Variants in PDE1A observed in about 807,000 individuals in gnomAD.
PDE1A encodes phosphodiesterase 1A.
PDE1A carries 35 observed loss-of-function variants against 61.7 expected under a neutral mutation model. The observed-to-expected ratio is 0.57, with a 90% confidence interval of 0.43 to 0.75. The LOEUF (loss-of-function observed/expected upper bound fraction) is 0.75. Ranked by LOEUF, PDE1A falls within the 30% of genes least tolerant of loss-of-function variation. PDE1A has a pLI of 0.00. For missense variants in PDE1A, 597 were observed against 630.6 expected (o/e 0.95, Z 0.57); for synonymous variants, 232 against 213.2 (o/e 1.09, Z -0.77).
intron 1 of PDE1A, among the ~76,000 whole-genome samples, chr2:182,264,866 G>GGT (rs1461394744): frequency 2.7e-5 from 1 of 37,608 alleles, no homozygotes; most frequent in African/African-American, 1.8e-4. Context: ...AAGAAAATGT[G>GGT]GTATATATAT....
At chr2:182,458,363 A>T (rs952774178) in intron 2 of PDE1A, among the ~76,000 whole-genome samples, 2 of 152,218 alleles carry the variant, frequency 1.3e-5, no homozygotes, top group African/African-American at 4.8e-5. Context: ...AGGCACTGCC[A>T]TGTGCTTTTG....
chr2:182,438,785 G>A lies in PDE1A; in HGVS notation c.101+83491C>T, dbSNP rs1244236420. Among the ~76,000 whole-genome samples the A allele has an allele frequency of 2.0e-5, 3 of 152,000 alleles. No individual in the cohort carries two copies. In the South Asian group the frequency reaches 6.2e-4, roughly 31 times the overall value. On this transcript the variant is annotated intron_variant, in intron 2 of 14. Transcript: ENST00000410103. ...TATATATGCCATACTGAAGAGCTGAGACTATATCCAATAGGCAATGGGGAG... is the reference window on the plus strand; with the variant it reads ...TATATATGCCATACTGAAGAGCTGAAACTATATCCAATAGGCAATGGGGAG...
chr2:182,503,284 G>C (rs1574815656), intron 2 of PDE1A, among the ~76,000 whole-genome samples: 1 of 151,996 alleles, frequency 6.6e-6, no homozygotes, highest in Non-Finnish European at 1.5e-5. Flanking sequence ...TTTTAATTTT[G>C]TCCTTCCTTG....
At chr2:182,261,660 A>G (rs993299991) in intron 2 of PDE1A, among the ~76,000 whole-genome samples, 3 of 152,204 alleles carry the variant, frequency 2.0e-5, no homozygotes, top group Non-Finnish European at 4.4e-5. Flanking sequence ...AAAGGGCTAT[A>G]CTTTAGGTAT....
At chr2:182,148,714 T>G (rs1250213043) in intron 13 of PDE1A, among the ~76,000 whole-genome samples, 1 of 152,178 alleles carries the variant, frequency 6.6e-6, no homozygotes, top group African/African-American at 2.4e-5. Flanking sequence ...CACAGCCGTC[T>G]CTCCTTTGGC....
At chr2:182,439,752 A>C (rs1684671071) in intron 2 of PDE1A, among the ~76,000 whole-genome samples, 1 of 152,108 alleles carries the variant, frequency 6.6e-6, no homozygotes, top group African/African-American at 2.4e-5. Flanking sequence ...ACACAAAACA[A>C]GCACTTCAGT....
At chr2:182,522,783 C>CT (rs1314720073), upstream of PDE1A, 2 of 485,166 alleles carry the variant, frequency 4.1e-6, no homozygotes, top group African/African-American at 4.2e-5. Flanking sequence ...ACGTGAATGA[C>CT]TTTCGCGCTC....
downstream of PDE1A, chr2:182,146,904 G>A (rs945378065): frequency 7.3e-6 from 3 of 410,660 alleles, no homozygotes; most frequent in South Asian, 1.7e-4. Context: ...TTAAGATTTT[G>A]TCTCAAAGGA....
chr2:182,281,640 A>T (rs1283022262), intron 1 of PDE1A, among the ~76,000 whole-genome samples: 2 of 152,036 alleles, frequency 1.3e-5, no homozygotes, highest in African/African-American at 4.8e-5. Flanking sequence ...TACAGCCAGA[A>T]GAGAACTGAA....
intron 13 of PDE1A, among the ~76,000 whole-genome samples, chr2:182,182,468 T>C (rs1364808102): frequency 6.6e-6 from 1 of 152,200 alleles, no homozygotes; most frequent in Non-Finnish European, 1.5e-5. Context: ...TCCTGGGTTA[T>C]GAACAACAGC....
chr2:182,197,237 C>A (rs1049517395), intron 10 of PDE1A, among the ~76,000 whole-genome samples: 2 of 151,504 alleles, frequency 1.3e-5, no homozygotes, highest in Non-Finnish European at 3.0e-5. Context: ...TATAAAATAT[C>A]CATTCAAATT....
exon 1 of PDE1A, chr2:182,426,807 T>A: frequency 7.0e-7 from 1 of 1,435,494 alleles, no homozygotes; most frequent in Non-Finnish European, 9.1e-7. Context: ...CTGAGCAGTG[T>A]GTCCATAGAG....
rs1178297388 is a variant in PDE1A at position 182,472,663 on chromosome 2, G to A, written c.101+49613C>T. Among the ~76,000 whole-genome samples the A allele has an allele frequency of 8.6e-5, 13 of 151,770 alleles. No individual in the cohort carries two copies. The Admixed American group carries it at 8.6e-4, about 10-fold the overall frequency. On this transcript the variant is annotated intron_variant, in intron 2 of 14. Transcript: ENST00000410103. Reference sequence around the variant, plus strand: ...AAGACTCTGACTTCATGACAGTGTAGTACATCAATGTAGCAAAATTGCACT... The same window carrying A: ...AAGACTCTGACTTCATGACAGTGTAATACATCAATGTAGCAAAATTGCACT...
At chr2:182,705,777 G>T in the PDE1A span, among the ~76,000 whole-genome samples, 1 of 152,166 alleles carries the variant, frequency 6.6e-6, no homozygotes, top group Non-Finnish European at 1.5e-5. Flanking sequence ...GCCTCCCAAA[G>T]TGTTGGGACT....
intron 2 of PDE1A, among the ~76,000 whole-genome samples, chr2:182,244,405 A>G (rs1170558683): frequency 1.3e-5 from 2 of 150,248 alleles, no homozygotes; most frequent in Admixed American, 6.6e-5. Context: ...CAAACACTCT[A>G]CTGTGTTTTC....
chr2:182,590,937 C>G, the PDE1A span, among the ~76,000 whole-genome samples: 1 of 152,164 alleles, frequency 6.6e-6, no homozygotes, highest in African/African-American at 2.4e-5. Context: ...AGTAAGCAAG[C>G]CCTGTGTCTA....
At chr2:182,330,897 C>A (rs1362418721) in intron 1 of PDE1A, among the ~76,000 whole-genome samples, 4 of 152,086 alleles carry the variant, frequency 2.6e-5, no homozygotes, top group Non-Finnish European at 4.4e-5. Flanking sequence ...CCTTCCCTGG[C>A]CCCATAGGGA....
chr2:182,181,655 C>T (rs926550524), intron 13 of PDE1A, among the ~76,000 whole-genome samples: 5 of 152,170 alleles, frequency 3.3e-5, no homozygotes, highest in Admixed American at 6.5e-5. Flanking sequence ...AGATTAAATC[C>T]GCTGACCCTG....
the PDE1A span, among the ~76,000 whole-genome samples, chr2:182,590,998 G>A: frequency 2.0e-5 from 3 of 152,124 alleles, no homozygotes; most frequent in African/African-American, 7.2e-5. Context: ...CTCATACATA[G>A]AAGATGCTCA....
Sources: gnomAD v4.1 joint callset for allele counts (sites outside exome capture counted in the v4.1 genomes callset) on GRCh38, gnomAD v4.1.1 for gene constraint, MANE v1.5 for transcripts, NCBI Gene and HGNC (gene_info 2026-07-23, HGNC 2026-07-21) for gene names.